CSTPP1: variants seen among roughly 807,000 people sequenced by gnomAD.
CSTPP1 encodes UPF0705 protein C11orf49.
the CSTPP1 span, among the ~76,000 whole-genome samples, chr11:46,992,216 T>C: frequency 6.6e-6 from 1 of 151,784 alleles, no homozygotes; most frequent in Admixed American, 6.6e-5. Flanking sequence ...TTTCCTCCCT[T>C]TCTTTTTTTA....
At chr11:47,160,958 C>G in the CSTPP1 span, 1 of 803,938 alleles carries the variant, frequency 1.2e-6, no homozygotes, top group Non-Finnish European at 1.9e-6. Context: ...ACAGCGAGCA[C>G]CTTCCTGCTC....
chr11:47,160,689 AT>A, the CSTPP1 span: 108 of 154,132 alleles, frequency 7.0e-4, no homozygotes, highest in Middle Eastern at 3.3e-3. Flanking sequence ...CAGAGGCAGC[AT>A]TTTTTTTTTA....
chr11:46,938,212 G>A, the CSTPP1 span, among the ~76,000 whole-genome samples: 2 of 151,804 alleles, frequency 1.3e-5, no homozygotes, highest in African/African-American at 4.8e-5. Context: ...CAGATAGTAC[G>A]GCGAGTTCCC....
At chr11:46,971,013 C>T in the CSTPP1 span, among the ~76,000 whole-genome samples, 1 of 152,138 alleles carries the variant, frequency 6.6e-6, no homozygotes, top group Non-Finnish European at 1.5e-5. Flanking sequence ...GAATAAAGTA[C>T]ATATGTATAG....
the CSTPP1 span, among the ~76,000 whole-genome samples, chr11:47,066,394 G>C: frequency 6.6e-6 from 1 of 151,734 alleles, no homozygotes; most frequent in Non-Finnish European, 1.5e-5. Flanking sequence ...GTATGTGTTG[G>C]GTTCATTGGT....
the CSTPP1 span, among the ~76,000 whole-genome samples, chr11:47,152,321 C>T: frequency 6.6e-6 from 1 of 152,148 alleles, no homozygotes; most frequent in Non-Finnish European, 1.5e-5. Context: ...GACACTCCTA[C>T]CCTCCCACGG....
the CSTPP1 span, among the ~76,000 whole-genome samples, chr11:47,054,577 AC>A: frequency 6.6e-6 from 1 of 151,998 alleles, no homozygotes; most frequent in East Asian, 1.9e-4. Context: ...CACTGGGATT[AC>A]AGATGTGAGC....
the CSTPP1 span, among the ~76,000 whole-genome samples, chr11:47,086,694 A>G: frequency 6.6e-6 from 1 of 152,308 alleles, no homozygotes; most frequent in South Asian, 2.1e-4. Context: ...TATAAGCTAG[A>G]TTTCCTTATT....
At chr11:46,957,386 G>A in the CSTPP1 span, among the ~76,000 whole-genome samples, 1 of 152,032 alleles carries the variant, frequency 6.6e-6, no homozygotes, top group Non-Finnish European at 1.5e-5. Context: ...CTGAGAAAGG[G>A]TGCATGCAAA....
chr11:47,071,462 C>A, the CSTPP1 span, among the ~76,000 whole-genome samples: 1 of 152,134 alleles, frequency 6.6e-6, no homozygotes, highest in East Asian at 1.9e-4. Flanking sequence ...TTCAGTAATC[C>A]CGGTATGTAA....
At chr11:47,135,004 G>A in the CSTPP1 span, among the ~76,000 whole-genome samples, 1 of 152,056 alleles carries the variant, frequency 6.6e-6, no homozygotes, top group South Asian at 2.1e-4. Flanking sequence ...AGCTACTTGG[G>A]AGGCTGAGAT....
the CSTPP1 span, among the ~76,000 whole-genome samples, chr11:47,067,735 T>C: frequency 1.3e-5 from 2 of 152,242 alleles, no homozygotes; most frequent in Non-Finnish European, 2.9e-5. Context: ...GAAAATTAAT[T>C]TCTGCTGTTT....
the CSTPP1 span, among the ~76,000 whole-genome samples, chr11:46,964,346 C>T: frequency 6.6e-6 from 1 of 151,244 alleles, no homozygotes; most frequent in South Asian, 2.1e-4. Flanking sequence ...AGTGCAGTGA[C>T]GCGATTTCGG....
chr11:47,132,475 T>C, the CSTPP1 span, among the ~76,000 whole-genome samples: 1 of 152,224 alleles, frequency 6.6e-6, no homozygotes, highest in African/African-American at 2.4e-5. Flanking sequence ...GAAAAGTGTA[T>C]ATGTTACCTC....
At chr11:47,152,077 C>G in the CSTPP1 span, among the ~76,000 whole-genome samples, 1 of 152,016 alleles carries the variant, frequency 6.6e-6, no homozygotes, top group Admixed American at 6.6e-5. Flanking sequence ...TGGTGAAACC[C>G]TGTCTCTACT....
At chr11:47,066,366 C>T in the CSTPP1 span, among the ~76,000 whole-genome samples, 3 of 151,724 alleles carry the variant, frequency 2.0e-5, no homozygotes, top group East Asian at 5.9e-4. Flanking sequence ...CTGGGTACTC[C>T]AGTTTTCTAC....
At chr11:47,037,895 T>G in the CSTPP1 span, among the ~76,000 whole-genome samples, 5 of 127,744 alleles carry the variant, frequency 3.9e-5, no homozygotes, top group African/African-American at 9.9e-5. Flanking sequence ...CTCAATGAGC[T>G]GTTGGGTACA....
At chr11:47,100,349 G>T in the CSTPP1 span, among the ~76,000 whole-genome samples, 1 of 152,104 alleles carries the variant, frequency 6.6e-6, no homozygotes, top group South Asian at 2.1e-4. Flanking sequence ...TTGATCTGGG[G>T]TACATCTTTT....
At chr11:46,943,591 A>G in the CSTPP1 span, among the ~76,000 whole-genome samples, 1 of 152,244 alleles carries the variant, frequency 6.6e-6, no homozygotes, top group African/African-American at 2.4e-5. Flanking sequence ...CTCATCTCTC[A>G]GAGGCAGGCA....
Sources: allele counts gnomAD v4.1 joint callset (sites outside exome capture counted in the v4.1 genomes callset), GRCh38; gene constraint gnomAD v4.1.1; transcripts MANE v1.5; gene names NCBI Gene and HGNC (gene_info 2026-07-23, HGNC 2026-07-21).